FBXO42: variants seen among roughly 807,000 people sequenced by gnomAD.
FBXO42 encodes the protein F-box protein 42, also known as F-box only protein 42.
In FBXO42, 12 loss-of-function variants were observed where a neutral mutation model predicts 71.7. The observed-to-expected ratio is 0.17, with a 90% CI of 0.11 to 0.27. The LOEUF is 0.27. Among genes scored for constraint, FBXO42 ranks in the 10% least tolerant of loss-of-function variants. The probability of loss-of-function intolerance (pLI) is 1.00; values close to 1 mark genes in which losing one functional copy is unlikely to be tolerated. For missense variants in FBXO42, 707 were observed against 911.9 expected (o/e 0.78, Z 2.89); for synonymous variants, 325 against 327.5 (o/e 0.99, Z 0.08).
intron 1 of FBXO42, among the ~76,000 whole-genome samples, chr1:16,319,850 G>A (rs2082397850): frequency 6.6e-6 from 1 of 151,894 alleles, no homozygotes; most frequent in African/African-American, 2.4e-5. Flanking sequence ...GGCAGAGGTT[G>A]CAGTGAGCCG....
intron 4 of FBXO42, among the ~76,000 whole-genome samples, chr1:16,285,463 G>A (rs1004642957): frequency 6.6e-6 from 1 of 151,766 alleles, no homozygotes; most frequent in African/African-American, 2.4e-5. Context: ...TAGTAGAGAC[G>A]GGGTTTCACC....
At chr1:16,295,229 C>T (rs1203237958) in intron 3 of FBXO42, among the ~76,000 whole-genome samples, 2 of 152,196 alleles carry the variant, frequency 1.3e-5, no homozygotes, top group African/African-American at 4.8e-5. Flanking sequence ...AATTTCAGCA[C>T]AGCTACATAA....
chr1:16,320,397 T>C (rs1001582073), intron 1 of FBXO42, among the ~76,000 whole-genome samples: 2 of 151,872 alleles, frequency 1.3e-5, no homozygotes, highest in African/African-American at 4.8e-5. Context: ...ATGCCTTTTA[T>C]TACTGGAAAA....
intron 1 of FBXO42, among the ~76,000 whole-genome samples, chr1:16,318,971 G>A (rs1435161495): frequency 6.6e-6 from 1 of 152,168 alleles, no homozygotes; most frequent in Non-Finnish European, 1.5e-5. Context: ...CAGATGGACA[G>A]TAAGTCCTTT....
chr1:16,278,156 A>G (rs1267945074), intron 4 of FBXO42, among the ~76,000 whole-genome samples: 1 of 152,166 alleles, frequency 6.6e-6, no homozygotes, highest in Non-Finnish European at 1.5e-5. Flanking sequence ...TGGGAGTTTG[A>G]GACCACCCTG....
chr1:16,309,890 T>C (rs1306949278), intron 2 of FBXO42, among the ~76,000 whole-genome samples: 1 of 151,576 alleles, frequency 6.6e-6, no homozygotes, highest in Non-Finnish European at 1.5e-5. Context: ...AAAAAAGGTT[T>C]TGTTCTTACT....
intron 1 of FBXO42, among the ~76,000 whole-genome samples, chr1:16,334,301 C>T (rs1569938554): frequency 2.0e-5 from 3 of 150,170 alleles, no homozygotes; most frequent in South Asian, 4.3e-4. Flanking sequence ...GGTGTGGTGG[C>T]GGGTGCCTGT....
intron 4 of FBXO42, among the ~76,000 whole-genome samples, chr1:16,285,647 A>C (rs978231657): frequency 2.6e-5 from 4 of 152,142 alleles, no homozygotes; most frequent in Admixed American, 6.5e-5. Flanking sequence ...TTCTTTACTA[A>C]ATTTAAGGGT....
At chr1:16,308,744 T>G (rs1482651311) in intron 2 of FBXO42, among the ~76,000 whole-genome samples, 2 of 140,560 alleles carry the variant, frequency 1.4e-5, no homozygotes, top group African/African-American at 2.7e-5. Context: ...ATCTCTGTTT[T>G]TTTTTTTTTT....
At chr1:16,284,692 G>A (rs186302605) in intron 4 of FBXO42, among the ~76,000 whole-genome samples, 1 of 152,252 alleles carries the variant, frequency 6.6e-6, no homozygotes, top group Admixed American at 6.6e-5. Context: ...ATTAGGCCAG[G>A]CGCAGGGACT....
intron 4 of FBXO42, among the ~76,000 whole-genome samples, chr1:16,276,391 AAAAAAG>A (rs1245760164): frequency 1.4e-4 from 22 of 151,762 alleles, no homozygotes; most frequent in African/African-American, 4.1e-4. Context: ...AAAAAAAAAA[AAAAAAG>A]AAAAGAAAAG....
At chr1:16,305,094 T>C (rs1335905718) in intron 3 of FBXO42, among the ~76,000 whole-genome samples, 1 of 152,098 alleles carries the variant, frequency 6.6e-6, no homozygotes, top group Non-Finnish European at 1.5e-5. Flanking sequence ...CATTAAAAAG[T>C]CAGATAATGG....
At chr1:16,271,846 A>G (rs536505234) in intron 4 of FBXO42, among the ~76,000 whole-genome samples, 1 of 151,938 alleles carries the variant, frequency 6.6e-6, no homozygotes, top group East Asian at 1.9e-4. Context: ...GATGCTCAAT[A>G]GTCCTCTGTA....
intron 5 of FBXO42, among the ~76,000 whole-genome samples, chr1:16,256,377 A>AT (rs767856491): frequency 8.5e-5 from 13 of 152,176 alleles, no homozygotes; most frequent in Admixed American, 2.0e-4. Flanking sequence ...AATCTCTTCT[A>AT]TTTTTTCTCT....
At chr1:16,317,139 C>T (rs1454205479) in intron 1 of FBXO42, among the ~76,000 whole-genome samples, 2 of 151,810 alleles carry the variant, frequency 1.3e-5, no homozygotes, top group South Asian at 2.1e-4. Context: ...AAAATTAGGC[C>T]GGGCGCAGTG....
rs1211868033 is a variant in FBXO42 at position 16,252,707 on chromosome 1, A to C, written c.922-303T>G. Among the ~76,000 whole-genome samples, 1 of 152,220 alleles carries C rather than the reference A, an allele frequency of 6.6e-6. No homozygotes were observed. The highest frequency in any genetic ancestry group is 1.5e-5 in the Non-Finnish European group (1 of 68,050). ...GTATTGGGGATTGAAGGAGAGGATAAATAATACATATCCACAACTTTCTGA... is the reference window on the plus strand; with the variant it reads ...GTATTGGGGATTGAAGGAGAGGATACATAATACATATCCACAACTTTCTGA... On this transcript the variant is annotated intron_variant, in intron 8 of 9. Coordinates refer to ENST00000375592, the MANE Select transcript of FBXO42 (RefSeq NM_018994.3). The surrounding 1 kb of genome is among the most constrained non-coding windows in gnomAD (Gnocchi z 4.4).
At chr1:16,301,832 G>A (rs1359425702) in intron 3 of FBXO42, among the ~76,000 whole-genome samples, 1 of 151,978 alleles carries the variant, frequency 6.6e-6, no homozygotes, top group Non-Finnish European at 1.5e-5. Context: ...TTTAAATAGA[G>A]ATGTTGCCCA....
intron 4 of FBXO42, among the ~76,000 whole-genome samples, chr1:16,270,178 C>G (rs2081824783): frequency 6.6e-6 from 1 of 152,090 alleles, no homozygotes. Context: ...TATAAAGCCA[C>G]CAGTCCCCAC....
chr1:16,348,261 A>C (rs1432799274), intron 1 of FBXO42, among the ~76,000 whole-genome samples: 1 of 152,168 alleles, frequency 6.6e-6, no homozygotes, highest in East Asian at 1.9e-4. Flanking sequence ...CAATCCAAAA[A>C]TTCGAAGTTT....
Sources: gnomAD v4.1 joint callset for allele counts (sites outside exome capture counted in the v4.1 genomes callset) on GRCh38, gnomAD v4.1.1 for gene constraint, Gnocchi (gnomAD v3.1) non-coding constraint, MANE v1.5 for transcripts, NCBI Gene and HGNC (gene_info 2026-07-23, HGNC 2026-07-21) for gene names.